Variants in SLC2A1 observed in about 807,000 individuals in gnomAD.
SLC2A1 encodes the protein solute carrier family 2 member 1.
Under a neutral mutation model 46.6 loss-of-function variants are expected in SLC2A1, and 4 were observed. That is an observed-to-expected ratio of 0.09 (90% CI 0.04 to 0.20). SLC2A1 has a LOEUF of 0.20. SLC2A1 is among the 10% of genes least tolerant of loss of function. The probability of loss-of-function intolerance (pLI) is 1.00; values close to 1 mark genes in which losing one functional copy is unlikely to be tolerated. For synonymous variants in SLC2A1, 253 were observed against 270.0 expected, an observed-to-expected ratio of 0.94 and a Z score of 0.62; for missense variants, 352 against 667.0, an observed-to-expected ratio of 0.53 and a Z score of 5.20.
intron 2 of SLC2A1, among the ~76,000 whole-genome samples, chr1:42,935,645 AG>A (rs1244151555): frequency 6.6e-6 from 1 of 152,254 alleles, no homozygotes; most frequent in East Asian, 1.9e-4. Flanking sequence ...GGCCTGCCTC[AG>A]GGAATAAAGC....
At chr1:42,947,018 C>T (rs1388798840) in intron 1 of SLC2A1, among the ~76,000 whole-genome samples, 1 of 152,202 alleles carries the variant, frequency 6.6e-6, no homozygotes, top group African/African-American at 2.4e-5. Context: ...CATCATGAAG[C>T]CTGGCAGAAT....
rs1254701142 is a variant in SLC2A1, at chr1:42,938,230, T to A, written c.114+4996A>T. Among the ~76,000 whole-genome samples the A allele has an allele frequency of 2.7e-5, 2 of 75,130 alleles. 1 individual carries two copies. Among genetic ancestry groups the A allele is most frequent in the African/African-American group, 1.2e-4 (2 of 17,208 alleles). 49.3% of individuals were successfully genotyped at this position (75,130 alleles called of 152,430 possible). ...CCTCTGTGGCTGGGCTCACCTCTTCTGCTCTGTCCTCCTCCTCCAGGAGGG... is the reference window on the plus strand; with the variant it reads ...CCTCTGTGGCTGGGCTCACCTCTTCAGCTCTGTCCTCCTCCTCCAGGAGGG... On this transcript the variant is annotated intron_variant, in intron 2 of 9. Coordinates refer to ENST00000426263, the MANE Select transcript of SLC2A1 (RefSeq NM_006516.4).
Position 42,927,532 on chromosome 1 carries a change from G to T in SLC2A1, c.1278+73C>A. 1 of 1,416,662 alleles carries T rather than the reference G, an allele frequency of 7.1e-7. No individual in the cohort carries two copies. The highest frequency in any genetic ancestry group is 9.9e-7 in the Non-Finnish European group (1 of 1,008,154). 87.8% of individuals were successfully genotyped at this position (1,416,662 alleles called of 1,614,324 possible). A position where few individuals can be genotyped will look rare whatever the true frequency, so the allele number is the denominator to read the frequency against. On this transcript the variant is annotated intron_variant, in intron 9 of 9. Coordinates refer to ENST00000426263, the MANE Select transcript of SLC2A1 (RefSeq NM_006516.4). The surrounding 1 kb of genome is among the most constrained non-coding windows in gnomAD (Gnocchi z 5.3). Reference sequence around the variant, plus strand: ...CCTCAGCATGATTCCTAATGAGAATGCTGGGCCAGCACTTTGCACAGCACT... The same window carrying T: ...CCTCAGCATGATTCCTAATGAGAATTCTGGGCCAGCACTTTGCACAGCACT...
Position 42,927,587 on chromosome 1 carries a change from G to GACAGT in SLC2A1, c.1278+13_1278+17dup. The GACAGT allele has an allele frequency of 8.0e-7, 1 of 1,255,600 alleles. No individual in the cohort carries two copies. Among genetic ancestry groups the GACAGT allele is most frequent in the Middle Eastern group, 2.3e-4 (1 of 4,346 alleles). 77.8% of individuals were successfully genotyped at this position (1,255,600 alleles called of 1,614,324 possible). On this transcript the variant is annotated intron_variant, in intron 9 of 9. Transcript: ENST00000426263. This position sits in a 1 kb window ranked among gnomAD's most constrained non-coding sequence, Gnocchi z 5.3. ...GGTCATGCGTGCGGGTGAGTATAGA[G>GACAGT]ACAGTGGGGGTTCTCACCTCCACAT... is the stretch of plus-strand genomic sequence containing the variant.
At chr1:42,957,289 C>T (rs1379953620) in intron 1 of SLC2A1, among the ~76,000 whole-genome samples, 1 of 152,216 alleles carries the variant, frequency 6.6e-6, no homozygotes, top group East Asian at 1.9e-4. Context: ...CGGGAACTTC[C>T]CCGGGGTCTC....
At position 42,947,597 on chromosome 1, in the gene SLC2A1, A is replaced by AC. The variant is rs1643672321; in HGVS notation, c.19-4277_19-4276insG. Among the ~76,000 whole-genome samples the AC allele has an allele frequency of 2.6e-5, 4 of 151,326 alleles. No homozygotes were observed. The South Asian group carries it at 6.2e-4, about 24-fold the overall frequency. ...ACACACACACAAAAAAAAAAAAAAA[A>AC]AAAAAAAAACAGCTGGATATGGTGG... On this transcript the variant is annotated intron_variant, in intron 1 of 9. Coordinates refer to ENST00000426263, the MANE Select transcript of SLC2A1 (RefSeq NM_006516.4).
At chr1:42,932,843 A>G (rs1334836861) in intron 2 of SLC2A1, among the ~76,000 whole-genome samples, 3 of 152,166 alleles carry the variant, frequency 2.0e-5, no homozygotes, top group Non-Finnish European at 4.4e-5. Context: ...CCCTGTCACA[A>G]CCTGTCCCAA....
chr1:42,945,122 G>A (rs751953673), intron 1 of SLC2A1, among the ~76,000 whole-genome samples: 6 of 152,140 alleles, frequency 3.9e-5, no homozygotes, highest in Non-Finnish European at 7.3e-5. Flanking sequence ...TGCTAGGCCC[G>A]CCACGTGCTG....
At position 42,930,142 on chromosome 1, in the gene SLC2A1, G is replaced by T; in HGVS notation, c.517-107C>A. On this transcript the variant is annotated intron_variant, in intron 4 of 9. Transcript: ENST00000426263. This position sits in a 1 kb window ranked among gnomAD's most constrained non-coding sequence, Gnocchi z 6.2. ...GTGTCAGCTGCTGCTTCAGGGAAGG[G>T]CCCCAGTTCTAGAGGCTCTGCCACT... 7.7e-7 allele frequency: 1 copy of T among 1,293,342 alleles called. No individual in the cohort carries two copies. The highest frequency in any genetic ancestry group is 1.1e-6 in the Non-Finnish European group (1 of 909,664). The allele number at this position is 1,293,342 out of a possible 1,614,324, so 80.1% of individuals were successfully genotyped here.
chr1:42,958,863 C>T lies in SLC2A1; in HGVS notation c.-212G>A. ...GCACGCTCGCTGTTGCTACCTCTTG[C>T]CTCTTGCCAGAGAGCGCGCGGACCG... On this transcript the variant is annotated 5_prime_UTR_variant, in exon 1 of 10. Transcript: ENST00000426263. 1 of 546,224 alleles carries T rather than the reference C, an allele frequency of 1.8e-6. No homozygotes were observed. Among genetic ancestry groups the T allele is most frequent in the East Asian group, 3.3e-5 (1 of 30,282 alleles). 33.8% of individuals were successfully genotyped at this position (546,224 alleles called of 1,614,324 possible).
chr1:42,950,715 G>A (rs192310535), intron 1 of SLC2A1, among the ~76,000 whole-genome samples: 1 of 152,340 alleles, frequency 6.6e-6, no homozygotes, highest in East Asian at 1.9e-4. Flanking sequence ...GCTCACGCCT[G>A]TAATTCCAGC....
intron 1 of SLC2A1, among the ~76,000 whole-genome samples, chr1:42,955,020 A>C (rs1030423483): frequency 1.3e-5 from 2 of 152,170 alleles, no homozygotes; most frequent in Admixed American, 1.3e-4. Context: ...AGCCCCTACT[A>C]GGAAGAATGG....
chr1:42,945,738 C>CAAAAAA (rs1166067644), intron 1 of SLC2A1, among the ~76,000 whole-genome samples: 7,062 of 115,000 alleles, frequency 0.061, 311 homozygotes, highest in African/African-American at 0.13. Flanking sequence ...GACTCTGTCT[C>CAAAAAA]AAAAAAAAAA....
chr1:42,928,383 G>T (rs186791774), intron 8 of SLC2A1, among the ~76,000 whole-genome samples: 1 of 152,214 alleles, frequency 6.6e-6, no homozygotes, highest in Non-Finnish European at 1.5e-5. Flanking sequence ...GTGCCTGTGT[G>T]TGAGTGCCAG....
chr1:42,955,539 G>C (rs947954047), intron 1 of SLC2A1, among the ~76,000 whole-genome samples: 1 of 152,174 alleles, frequency 6.6e-6, no homozygotes. Flanking sequence ...GAGCCTGGGA[G>C]GTAGAGGTTG....
intron 2 of SLC2A1, among the ~76,000 whole-genome samples, chr1:42,941,979 C>T (rs559360895): frequency 3.9e-5 from 6 of 152,252 alleles, no homozygotes; most frequent in Non-Finnish European, 8.8e-5. Context: ...TCGGGCGTGG[C>T]CCCATAGCCA....
chr1:42,956,007 A>T (rs1280475491), intron 1 of SLC2A1, among the ~76,000 whole-genome samples: 2 of 152,194 alleles, frequency 1.3e-5, no homozygotes, highest in African/African-American at 4.8e-5. Flanking sequence ...TGGTTTTCAG[A>T]TCTTGTGTGA....
intron 2 of SLC2A1, among the ~76,000 whole-genome samples, chr1:42,941,691 C>G (rs925583669): frequency 1.2e-4 from 19 of 152,168 alleles, no homozygotes; most frequent in African/African-American, 3.4e-4. Context: ...TTCTGGAAAC[C>G]CCAATGTGCA....
At chr1:42,946,623 G>A (rs1643658536) in intron 1 of SLC2A1, among the ~76,000 whole-genome samples, 2 of 152,168 alleles carry the variant, frequency 1.3e-5, no homozygotes, top group African/African-American at 4.8e-5. Flanking sequence ...CTGCCAAGTG[G>A]GAAAGCAGTG....
Sources: gnomAD v4.1 joint callset for allele counts (sites outside exome capture counted in the v4.1 genomes callset) on GRCh38, gnomAD v4.1.1 for gene constraint, Gnocchi (gnomAD v3.1) non-coding constraint, MANE v1.5 for transcripts, NCBI Gene and HGNC (gene_info 2026-07-23, HGNC 2026-07-21) for gene names.